The following PEX13 variants were observed in gnomAD, a reference collection of about 807,000 sequenced individuals.
PEX13 encodes the protein peroxisomal biogenesis factor 13, also known as peroxisome biogenesis factor 13.
Under a neutral mutation model 34.5 loss-of-function variants are expected in PEX13, and 28 were observed. That is an observed-to-expected ratio of 0.81 (90% confidence interval 0.60 to 1.11). The LOEUF is 1.11. PEX13 is among the 50% of genes most tolerant of loss of function. The pLI is 0.00. For synonymous variants in PEX13, 177 were observed against 175.1 expected (o/e 1.01, Z -0.09); for missense variants, 550 against 491.0 (o/e 1.12, Z -1.13).
chr2:61,034,845 T>A (rs1302353985), intron 2 of PEX13, among the ~76,000 whole-genome samples: 1 of 152,182 alleles, frequency 6.6e-6, no homozygotes, highest in East Asian at 1.9e-4. Flanking sequence ...CCACCACAGC[T>A]CAGCAAGGAC....
chr2:61,023,254 C>T (rs1042696950), intron 1 of PEX13, among the ~76,000 whole-genome samples: 3 of 152,282 alleles, frequency 2.0e-5, no homozygotes, highest in African/African-American at 7.2e-5. Context: ...ATCCTCTCAC[C>T]TCAGCCTCCC....
chr2:61,048,203 C>T (rs920708771), intron 3 of PEX13, among the ~76,000 whole-genome samples: 1 of 152,118 alleles, frequency 6.6e-6, no homozygotes, highest in Non-Finnish European at 1.5e-5. Context: ...AACTAAATCT[C>T]CCTACTCTAT....
chr2:61,045,831 T>G lies in PEX13; in HGVS notation c.893T>G (p.Met298Arg). Residue 298 changes from methionine (M) to arginine (R), a missense_variant, in exon 3 of 4, where the codon ATG becomes AGG. Met to Arg is a moderately conservative substitution (Grantham distance 91, BLOSUM62 -1). Transcript: ENST00000295030. ...EEEISFRAGDMLNLALKEQQP... is the reference protein window; with the variant it reads ...EEEISFRAGDRLNLALKEQQP... ...GAAATTTCTTTCCGGGCTGGTGATATGCTGAACTTAGCTCTCAAAGGTAAT... is the reference window on the plus strand; with the variant it reads ...GAAATTTCTTTCCGGGCTGGTGATAGGCTGAACTTAGCTCTCAAAGGTAAT... The G allele has an allele frequency of 6.2e-7, 1 of 1,613,074 alleles. No individual in the cohort carries two copies. Among genetic ancestry groups the G allele is most frequent in the Non-Finnish European group, 8.5e-7 (1 of 1,179,060 alleles).
At position 61,031,486 on chromosome 2, in the gene PEX13, C is replaced by T. The variant is rs775676798; in HGVS notation, c.160C>T (p.Pro54Ser). 3 of 1,614,216 alleles carry T rather than the reference C, an allele frequency of 1.9e-6. No individual in the cohort carries two copies. The highest frequency in any genetic ancestry group is 2.2e-5 in the East Asian group (1 of 44,892). Residue 54 changes from proline to serine, a missense_variant, in exon 2 of 4, where the codon CCT (proline) becomes TCT (serine). By Grantham distance (74) the Pro-to-Ser change is moderately conservative (BLOSUM62 -1). Transcript: ENST00000295030. ...ACCAGCACTTACCAGAGTGCCCCCA[C>T]CTATTCTTCCAAGGCCATCACAGCA... Reference protein sequence around the residue: ...GQPALTRVPPPILPRPSQQTG... With the variant: ...GQPALTRVPPSILPRPSQQTG...
intron 2 of PEX13, among the ~76,000 whole-genome samples, chr2:61,040,291 G>A (rs923332752): frequency 6.6e-6 from 1 of 152,148 alleles, no homozygotes; most frequent in Non-Finnish European, 1.5e-5. Flanking sequence ...GCACACGTAT[G>A]TTTATTGTGG....
chr2:61,023,684 TC>T (rs1680303592), intron 1 of PEX13, among the ~76,000 whole-genome samples: 1 of 152,004 alleles, frequency 6.6e-6, no homozygotes, highest in African/African-American at 2.4e-5. Context: ...AGTCTAGAGA[TC>T]TGCCTTCTCA....
intron 3 of PEX13, among the ~76,000 whole-genome samples, chr2:61,046,576 AC>A (rs1680707197): frequency 1.3e-5 from 2 of 152,216 alleles, no homozygotes; most frequent in Admixed American, 6.5e-5. Flanking sequence ...ACTGTATTTT[AC>A]ATATTTCATT....
At chr2:61,026,538 G>A (rs925536535) in intron 1 of PEX13, among the ~76,000 whole-genome samples, 2 of 151,718 alleles carry the variant, frequency 1.3e-5, no homozygotes, top group South Asian at 2.1e-4. Context: ...AGTAGAGACA[G>A]TATTTCACCA....
intron 2 of PEX13, among the ~76,000 whole-genome samples, chr2:61,041,065 C>T (rs186211880): frequency 1.1e-4 from 16 of 152,064 alleles, no homozygotes; most frequent in African/African-American, 3.4e-4. Flanking sequence ...GTAATCCCAA[C>T]ACTGGGAGGA....
At chr2:61,020,732 G>A (rs1050021529) in intron 1 of PEX13, among the ~76,000 whole-genome samples, 1 of 152,024 alleles carries the variant, frequency 6.6e-6, no homozygotes, top group Non-Finnish European at 1.5e-5. Context: ...TTGGCTCATG[G>A]CAACCTCTAC....
At chr2:61,037,579 A>G (rs1421317666) in intron 2 of PEX13, among the ~76,000 whole-genome samples, 2 of 152,250 alleles carry the variant, frequency 1.3e-5, no homozygotes, top group African/African-American at 4.8e-5. Flanking sequence ...AAACAAAGAC[A>G]GAACATACCA....
chr2:61,025,251 A>G lies in PEX13; in HGVS notation c.93-6168A>G, dbSNP rs570397488. On this transcript the variant is annotated intron_variant, in intron 1 of 3. Transcript: ENST00000295030. ...ACCCAGCTAATTTTTTATAGTTTTTAATAGAGACGGGGTTTCACCATCTTG... is the reference window on the plus strand; with the variant it reads ...ACCCAGCTAATTTTTTATAGTTTTTGATAGAGACGGGGTTTCACCATCTTG... 2.6e-5 allele frequency among the ~76,000 whole-genome samples: 4 copies of G among 151,926 alleles called. No homozygotes were observed. In the South Asian group the frequency reaches 6.3e-4, roughly 24 times the overall value.
At chr2:61,037,760 T>C (rs574705355) in intron 2 of PEX13, among the ~76,000 whole-genome samples, 7 of 151,914 alleles carry the variant, frequency 4.6e-5, no homozygotes, top group African/African-American at 1.7e-4. Context: ...ATAACTAAGA[T>C]CAGAGCAAAA....
At position 61,033,278 on chromosome 2, in the gene PEX13, T is replaced by A. The variant is rs188857340; in HGVS notation, c.787+1165T>A. Among the ~76,000 whole-genome samples the A allele has an allele frequency of 2.0e-5, 3 of 152,212 alleles. No individual in the cohort carries two copies. In the East Asian group the frequency reaches 5.8e-4, roughly 29 times the overall value. On this transcript the variant is annotated intron_variant, in intron 2 of 3. Transcript: ENST00000295030. ...AATGATACTTTTGCATTAGACTGTT[T>A]GAGAGATAATGAAGACCCAAAATAG...
chr2:61,042,750 C>T (rs1185909514), intron 2 of PEX13, among the ~76,000 whole-genome samples: 1 of 152,184 alleles, frequency 6.6e-6, no homozygotes, highest in African/African-American at 2.4e-5. Context: ...CCTGTTTACT[C>T]ATGGTCATTG....
chr2:61,028,606 C>G (rs993515974), intron 1 of PEX13, among the ~76,000 whole-genome samples: 1 of 151,854 alleles, frequency 6.6e-6, no homozygotes. Flanking sequence ...AGGCTGGTCT[C>G]GAACTCCTAA....
intron 1 of PEX13, 92 bp downstream of exon 1, chr2:61,017,943 C>T (rs1680123147): frequency 2.9e-6 from 4 of 1,392,336 alleles, no homozygotes; most frequent in Middle Eastern, 1.8e-4. Flanking sequence ...GGAGGTATTC[C>T]CTTCCCCCCT....
intron 2 of PEX13, among the ~76,000 whole-genome samples, chr2:61,034,006 T>C (rs1403670189): frequency 6.6e-6 from 1 of 152,134 alleles, no homozygotes; most frequent in Non-Finnish European, 1.5e-5. Context: ...TTTTGTTTTT[T>C]TTCTTCGGGA....
rs566579383 is a variant in PEX13 at position 61,051,255 on chromosome 2, C to T, written c.*2485C>T. On this transcript the variant is annotated 3_prime_UTR_variant, in exon 4 of 4. Coordinates refer to ENST00000295030, the MANE Select transcript of PEX13 (RefSeq NM_002618.4). ...AATTAAAGGTTCTGCTTTGATTTGT[C>T]AGATAATTTATAGAAATTTTGTTCT... 1.3e-5 allele frequency: 2 copies of T among 152,344 alleles called. No homozygotes were observed. The highest frequency in any genetic ancestry group is 4.1e-4 in the South Asian group (2 of 4,822). The allele number at this position is 152,344 out of a possible 1,614,324, so 9.4% of individuals were successfully genotyped here.
Sources: gnomAD v4.1 joint callset for allele counts (sites outside exome capture counted in the v4.1 genomes callset) on GRCh38, gnomAD v4.1.1 for gene constraint, MANE v1.5 for transcripts, NCBI Gene and HGNC (gene_info 2026-07-23, HGNC 2026-07-21) for gene names.